The following WWC1 variants were observed in gnomAD, a reference collection of about 807,000 sequenced individuals.
The protein encoded by WWC1 is protein KIBRA.
In WWC1, 55 loss-of-function variants were observed where a neutral mutation model predicts 138.4. The observed-to-expected ratio is 0.40, with a 90% confidence interval of 0.32 to 0.50. The LOEUF is 0.50. Ranked by LOEUF, WWC1 falls within the 20% of genes least tolerant of loss-of-function variation. The pLI, the probability that WWC1 is intolerant of heterozygous loss-of-function variation, is 0.72. For synonymous variants in WWC1, 524 were observed against 564.9 expected (o/e 0.93, Z 1.03); for missense variants, 1,226 against 1,420.4 (o/e 0.86, Z 2.20).
chr5:168,452,451 A>T (rs919467969), intron 17 of WWC1, among the ~76,000 whole-genome samples: 1 of 152,186 alleles, frequency 6.6e-6, no homozygotes, highest in African/African-American at 2.4e-5. Flanking sequence ...GCATGCACAG[A>T]GGACAGACTG....
At chr5:168,355,978 G>C (rs1323979028) in intron 1 of WWC1, among the ~76,000 whole-genome samples, 1 of 152,098 alleles carries the variant, frequency 6.6e-6, no homozygotes, top group Non-Finnish European at 1.5e-5. Context: ...TCTCTTGGGG[G>C]GGCTGTGATG....
At chr5:168,329,864 C>T (rs897575995) in intron 1 of WWC1, among the ~76,000 whole-genome samples, 4 of 151,982 alleles carry the variant, frequency 2.6e-5, no homozygotes, top group Non-Finnish European at 5.9e-5. Context: ...AATCCTAGCA[C>T]TTTGGGAGGC....
intron 9 of WWC1, among the ~76,000 whole-genome samples, chr5:168,416,994 A>G (rs933776071): frequency 6.6e-6 from 1 of 152,046 alleles, no homozygotes; most frequent in Non-Finnish European, 1.5e-5. Flanking sequence ...TAGCCTCCCG[A>G]GTAGCTGGGA....
chr5:168,298,949 G>A (rs1054430316), intron 1 of WWC1, among the ~76,000 whole-genome samples: 3 of 152,150 alleles, frequency 2.0e-5, no homozygotes, highest in African/African-American at 7.2e-5. Context: ...GCCAGGTGTG[G>A]TGGCACGCAC....
intron 17 of WWC1, among the ~76,000 whole-genome samples, chr5:168,450,018 T>C (rs1755656206): frequency 1.3e-5 from 2 of 152,180 alleles, no homozygotes; most frequent in Non-Finnish European, 1.5e-5. Context: ...ATTCTCCCCA[T>C]TGGGAAAATC....
chr5:168,334,160 C>G (rs1773261567), intron 1 of WWC1, among the ~76,000 whole-genome samples: 2 of 150,750 alleles, frequency 1.3e-5, no homozygotes. Context: ...GGAGTTCAGG[C>G]TTGCAGTGAG....
intron 19 of WWC1, among the ~76,000 whole-genome samples, chr5:168,458,508 TC>T (rs1756525175): frequency 6.6e-6 from 1 of 152,064 alleles, no homozygotes; most frequent in Non-Finnish European, 1.5e-5. Flanking sequence ...TGTCTTGAGT[TC>T]CCCCACTGAA....
chr5:168,364,985 A>C (rs1413448888), intron 1 of WWC1, among the ~76,000 whole-genome samples: 1 of 152,226 alleles, frequency 6.6e-6, no homozygotes, highest in East Asian at 1.9e-4. Context: ...AACTTGAGAG[A>C]TGGTTATTTT....
At chr5:168,295,039 G>A (rs1036113622) in intron 1 of WWC1, among the ~76,000 whole-genome samples, 1 of 152,142 alleles carries the variant, frequency 6.6e-6, no homozygotes, top group Non-Finnish European at 1.5e-5. Flanking sequence ...GTCAACTCTG[G>A]GGGTCACTAT....
intron 3 of WWC1, among the ~76,000 whole-genome samples, chr5:168,395,288 C>G (rs1004935058): frequency 3.9e-5 from 6 of 152,172 alleles, no homozygotes; most frequent in African/African-American, 1.4e-4. Context: ...CAGGGTGCTC[C>G]TAGAACAGAC....
intron 1 of WWC1, among the ~76,000 whole-genome samples, chr5:168,300,248 A>C (rs1769942391): frequency 6.6e-6 from 1 of 152,204 alleles, no homozygotes; most frequent in Non-Finnish European, 1.5e-5. Context: ...GACCTTCCCC[A>C]GCAGGCCATT....
rs374779183 is a variant in WWC1, at chr5:168,316,243, A to C, written c.119+23972A>C. On this transcript the variant is annotated intron_variant, in intron 1 of 22. Coordinates refer to ENST00000265293, the MANE Select transcript of WWC1 (RefSeq NM_015238.3). The stretch of plus-strand genomic sequence containing the variant: ...ACAGAAATCAAACAAAGATACCAGC[A>C]GCCCCAGACAGGCTGTCTTCATCGC... Among the ~76,000 whole-genome samples, 90 of 152,340 alleles carry C rather than the reference A, an allele frequency of 5.9e-4. 3 individuals are homozygous for C. The East Asian group carries it at 0.013, about 23-fold the overall frequency.
chr5:168,309,006 A>G (rs12514628), intron 1 of WWC1, among the ~76,000 whole-genome samples: 18,802 of 151,892 alleles, frequency 0.12, 1,597 homozygotes, highest in Non-Finnish European at 0.17. Flanking sequence ...GCCCCCATTC[A>G]TGCCTCAGCA....
intron 3 of WWC1, among the ~76,000 whole-genome samples, chr5:168,390,766 T>A (rs1321694499): frequency 1.3e-5 from 2 of 152,240 alleles, no homozygotes; most frequent in African/African-American, 4.8e-5. Context: ...GGGCCCTGCC[T>A]TGGGGGTGGA....
rs781743568 is a variant in WWC1, at chr5:168,444,630, C to G, written c.2525+45C>G. Reference sequence around the variant, plus strand: ...GGCCCCAGGAGCTGCCCTGCCTGGACCTAGGCCCAGCAATGAGATCCCCCA... The same window carrying G: ...GGCCCCAGGAGCTGCCCTGCCTGGAGCTAGGCCCAGCAATGAGATCCCCCA... On this transcript the variant is annotated intron_variant, in intron 17 of 22. Coordinates refer to ENST00000265293, the MANE Select transcript of WWC1 (RefSeq NM_015238.3). 3.8e-6 allele frequency: 6 copies of G among 1,599,758 alleles called. No individual in the cohort carries two copies. In the Admixed American group the frequency reaches 1.0e-4, roughly 27 times the overall value.
intron 19 of WWC1, among the ~76,000 whole-genome samples, chr5:168,460,118 T>G (rs1412269835): frequency 6.6e-6 from 1 of 152,236 alleles, no homozygotes; most frequent in Non-Finnish European, 1.5e-5. Flanking sequence ...GCTTTGCCTT[T>G]AAGCTGTCTT....
At chr5:168,374,679 AAC>A (rs754348176) in intron 2 of WWC1, among the ~76,000 whole-genome samples, 4 of 152,176 alleles carry the variant, frequency 2.6e-5, no homozygotes, top group Non-Finnish European at 5.9e-5. Flanking sequence ...GAGAGTTTTA[AAC>A]AGATGAGTAA....
intron 2 of WWC1, among the ~76,000 whole-genome samples, chr5:168,374,366 A>G (rs1777009129): frequency 6.6e-6 from 1 of 151,874 alleles, no homozygotes; most frequent in African/African-American, 2.4e-5. Flanking sequence ...ATGGTGACCA[A>G]GAGTACCATT....
intron 9 of WWC1, chr5:168,414,861 A>G (rs909141929): frequency 1.3e-5 from 6 of 452,666 alleles, no homozygotes; most frequent in Non-Finnish European, 2.3e-5. Context: ...TTCTGACTCA[A>G]TTAAGCCACA....
Sources: allele counts gnomAD v4.1 joint callset (sites outside exome capture counted in the v4.1 genomes callset), GRCh38; gene constraint gnomAD v4.1.1; transcripts MANE v1.5; gene names NCBI Gene and HGNC (gene_info 2026-07-23, HGNC 2026-07-21).